Variants in PRKD1 observed in about 807,000 individuals in gnomAD.
PRKD1 encodes the protein serine/threonine-protein kinase D1.
A neutral mutation model predicts 95.9 loss-of-function variants in PRKD1; 63 were observed. That is an observed-to-expected ratio of 0.66 (90% CI 0.54 to 0.81). The LOEUF (loss-of-function observed/expected upper bound fraction) is 0.81, where lower values mean the gene tolerates loss of function less well. PRKD1 is among the 30% of genes least tolerant of loss of function. PRKD1 has a pLI of 0.00. For synonymous variants in PRKD1, 425 were observed against 423.1 expected, an observed-to-expected ratio of 1.00 and a Z score of -0.05; for missense variants, 1,048 against 1,165.3, an observed-to-expected ratio of 0.90 and a Z score of 1.47.
chr14:29,799,216 T>C (rs1889930611), intron 1 of PRKD1, among the ~76,000 whole-genome samples: 1 of 152,206 alleles, frequency 6.6e-6, no homozygotes. Context: ...CATTAAAAGG[T>C]GAAAACCTCA....
chr14:29,831,058 G>A (rs879351374), intron 1 of PRKD1, among the ~76,000 whole-genome samples: 4 of 152,160 alleles, frequency 2.6e-5, no homozygotes, highest in South Asian at 2.1e-4. Context: ...TAATTAATTC[G>A]GTTCATGAAT....
intron 1 of PRKD1, among the ~76,000 whole-genome samples, chr14:29,827,063 T>A (rs1467080611): frequency 6.6e-6 from 1 of 150,494 alleles, no homozygotes; most frequent in Non-Finnish European, 1.5e-5. Context: ...CAATGGACTT[T>A]CAGGACTCTG....
rs766516564 is a variant in PRKD1 at position 29,630,762 on chromosome 14, C to T, written c.1652G>A (p.Gly551Asp). The T allele has an allele frequency of 2.3e-5, 37 of 1,613,908 alleles. No homozygotes were observed. Among genetic ancestry groups the T allele is most frequent in the Non-Finnish European group, 3.0e-5 (35 of 1,179,986 alleles). ...CTCACTGTGCAAGTTGGTTCCTGTACCCACGGAGGAGCCCTTGGGAATGAC... is the reference window on the plus strand; with the variant it reads ...CTCACTGTGCAAGTTGGTTCCTGTATCCACGGAGGAGCCCTTGGGAATGAC... ...MPVIPKGSSVGTGTNLHRDIS... is the reference protein window; with the variant it reads ...MPVIPKGSSVDTGTNLHRDIS... The change falls in exon 10 of 18, where the codon GGT becomes GAT. Residue 551 changes from glycine (G) to aspartate (D), a missense_variant. Transcript: ENST00000331968.
At chr14:29,846,979 T>C (rs1201400848) in intron 1 of PRKD1, among the ~76,000 whole-genome samples, 3 of 152,122 alleles carry the variant, frequency 2.0e-5, no homozygotes, top group Non-Finnish European at 2.9e-5. Context: ...AGGCTACAAA[T>C]AGAGACCAAC....
chr14:29,733,624 A>G (rs1886565316), intron 1 of PRKD1, among the ~76,000 whole-genome samples: 1 of 152,180 alleles, frequency 6.6e-6, no homozygotes, highest in Admixed American at 6.5e-5. Flanking sequence ...TGCAGGAAGG[A>G]GAATTGCTGA....
At position 29,914,406 on chromosome 14, in the gene PRKD1, A is replaced by T. The variant is rs114755619; in HGVS notation, c.264+12843T>A. On this transcript the variant is annotated intron_variant, in intron 1 of 17. Coordinates refer to ENST00000331968, the MANE Select transcript of PRKD1 (RefSeq NM_002742.3). ...AACAAACTTTATTAAAAGAATAAAC[A>T]TACATATTTGTGAAGAATGACCCTT... is the stretch of plus-strand genomic sequence containing the variant. Among the ~76,000 whole-genome samples the T allele has an allele frequency of 2.7e-3, 407 of 152,364 alleles. 4 individuals carry two copies. The highest frequency in any genetic ancestry group is 9.7e-3 in the African/African-American group (403 of 41,584).
chr14:29,728,130 T>C (rs549379644), intron 1 of PRKD1, among the ~76,000 whole-genome samples: 2 of 151,898 alleles, frequency 1.3e-5, no homozygotes, highest in Admixed American at 1.3e-4. Context: ...CTTCATATTG[T>C]GCACATGTAC....
rs45467593 is a variant in PRKD1 at position 29,781,695 on chromosome 14, C to T, written c.265-56021G>A. 6.9e-3 allele frequency among the ~76,000 whole-genome samples: 1,054 copies of T among 152,302 alleles called. 5 individuals are homozygous for T. Among genetic ancestry groups the T allele is most frequent in the African/African-American group, 0.024 (984 of 41,570 alleles). ...CAAAAGAATGAGAAATGTCTACCAC[C>T]AAGTTAAAGTAGGGACATTTTGAAA... On this transcript the variant is annotated intron_variant, in intron 1 of 17. Transcript: ENST00000331968.
chr14:29,662,928 TTTTTA>T (rs1165304623), intron 4 of PRKD1, among the ~76,000 whole-genome samples: 4 of 151,258 alleles, frequency 2.6e-5, no homozygotes, highest in Non-Finnish European at 5.9e-5. Flanking sequence ...TCAGAATGTG[TTTTTA>T]TTTTAAATAA....
intron 16 of PRKD1, among the ~76,000 whole-genome samples, chr14:29,584,153 A>C (rs1385532332): frequency 6.6e-6 from 1 of 152,228 alleles, no homozygotes; most frequent in Non-Finnish European, 1.5e-5. Context: ...GCATTCCATC[A>C]GAATATGATA....
chr14:29,731,436 T>G (rs1886429222), intron 1 of PRKD1, among the ~76,000 whole-genome samples: 1 of 152,226 alleles, frequency 6.6e-6, no homozygotes, highest in African/African-American at 2.4e-5. Context: ...GCAAGTTCTA[T>G]AAATATCCGT....
At chr14:29,636,606 C>T in intron 6 of PRKD1, 112 bp from the exon 7 acceptor site, 3 of 1,014,934 alleles carry the variant, frequency 3.0e-6, no homozygotes, top group Non-Finnish European at 2.9e-6. Flanking sequence ...AGAGGTAGTT[C>T]TGTGATGAGT....
In PRKD1 at chr14:29,826,842, CACATATAT is replaced by C. The variant is rs1337024542; in HGVS notation, c.264+100399_264+100406del. Among the ~76,000 whole-genome samples, 108 of 19,862 alleles carry C rather than the reference CACATATAT, an allele frequency of 5.4e-3. 12 individuals are homozygous for C. Among genetic ancestry groups the C allele is most frequent in the African/African-American group, 0.019 (95 of 5,064 alleles). 13.0% of individuals were successfully genotyped at this position (19,862 alleles called of 152,430 possible). A position where few individuals can be genotyped will look rare whatever the true frequency, so the allele number is the denominator to read the frequency against. On this transcript the variant is annotated intron_variant, in intron 1 of 17. Coordinates refer to ENST00000331968, the MANE Select transcript of PRKD1 (RefSeq NM_002742.3). ...ATATATATATATATATATATATACACACATATATATATATATATATATATATATATATA... is the reference window on the plus strand; with the variant it reads ...ATATATATATATATATATATATACACATATATATATATATATATATATATA...
Position 29,641,109 on chromosome 14 carries a change from T to G in PRKD1, c.697-2205A>C, listed in dbSNP as rs79682871. On this transcript the variant is annotated intron_variant, in intron 4 of 17. Transcript: ENST00000331968. ...ATATTCCAAGTTTAGGAAAAAGAAA[T>G]TAGCTGTCACTCTGTAGCCCAGAGA... Among the ~76,000 whole-genome samples, 1,028 of 152,294 alleles carry G rather than the reference T, an allele frequency of 6.8e-3. 20 individuals are homozygous for G. Among genetic ancestry groups the G allele is most frequent in the African/African-American group, 0.023 (960 of 41,572 alleles).
At chr14:29,670,123 T>G (rs918490745) in intron 2 of PRKD1, among the ~76,000 whole-genome samples, 4 of 152,188 alleles carry the variant, frequency 2.6e-5, no homozygotes, top group Admixed American at 6.5e-5. Flanking sequence ...TAAATGAGCT[T>G]ATGTAAGTAA....
At chr14:29,728,610 TCAC>T (rs1208922540) in intron 1 of PRKD1, among the ~76,000 whole-genome samples, 2 of 152,166 alleles carry the variant, frequency 1.3e-5, no homozygotes, top group African/African-American at 4.8e-5. Context: ...TTGGGTTCTT[TCAC>T]CTTTTATTAC....
chr14:29,797,757 T>C (rs1057472019), intron 1 of PRKD1, among the ~76,000 whole-genome samples: 1 of 152,158 alleles, frequency 6.6e-6, no homozygotes, highest in Non-Finnish European at 1.5e-5. Flanking sequence ...CACCCCAACC[T>C]GCCCAGCTAC....
chr14:29,767,493 T>C (rs766489680), intron 1 of PRKD1, among the ~76,000 whole-genome samples: 6 of 152,180 alleles, frequency 3.9e-5, no homozygotes, highest in Admixed American at 6.6e-5. Flanking sequence ...CTCTCATATA[T>C]ACATCTGAAT....
intron 1 of PRKD1, among the ~76,000 whole-genome samples, chr14:29,768,986 C>T (rs1247727086): frequency 6.6e-6 from 1 of 152,096 alleles, no homozygotes; most frequent in African/African-American, 2.4e-5. Flanking sequence ...TTCCTTCTGC[C>T]CACCCTACCA....
Sources: allele counts gnomAD v4.1 joint callset (sites outside exome capture counted in the v4.1 genomes callset), GRCh38; gene constraint gnomAD v4.1.1; transcripts MANE v1.5; gene names NCBI Gene and HGNC (gene_info 2026-07-23, HGNC 2026-07-21).